CWC27: variants seen among roughly 807,000 people sequenced by gnomAD.
The protein encoded by CWC27 is CWC27 spliceosome associated cyclophilin, also known as spliceosome-associated protein CWC27 homolog.
In CWC27, 47 loss-of-function variants were observed where a neutral mutation model predicts 63.6. The ratio of observed to expected loss-of-function variants is 0.74; its 90% CI spans 0.58 to 0.94. The LOEUF is 0.94. Among genes scored for constraint, CWC27 ranks in the 40% least tolerant of loss-of-function variants. The probability of loss-of-function intolerance (pLI) is 0.00; values close to 1 mark genes in which losing one functional copy is unlikely to be tolerated. For missense variants in CWC27, 495 were observed against 554.3 expected (o/e 0.89, Z 1.07); for synonymous variants, 175 against 179.8 (o/e 0.97, Z 0.22).
chr5:64,971,109 A>C (rs1749117731), intron 11 of CWC27, among the ~76,000 whole-genome samples: 1 of 152,174 alleles, frequency 6.6e-6, no homozygotes. Flanking sequence ...TTTATGAACC[A>C]AGATGTTAAC....
intron 11 of CWC27, among the ~76,000 whole-genome samples, chr5:64,916,322 G>A (rs1747886594): frequency 6.6e-6 from 1 of 152,142 alleles, no homozygotes; most frequent in Non-Finnish European, 1.5e-5. Context: ...ATGGTCAAGA[G>A]TACAGCCTTT....
rs145963414 is a variant in CWC27 at position 64,784,986 on chromosome 5, G to A, written c.397-495G>A. Among the ~76,000 whole-genome samples the A allele has an allele frequency of 1.8e-3, 280 of 152,294 alleles. 1 individual carries two copies. Among genetic ancestry groups the A allele is most frequent in the African/African-American group, 5.1e-3 (210 of 41,560 alleles). On this transcript the variant is annotated intron_variant, in intron 4 of 13. Coordinates refer to ENST00000381070, the MANE Select transcript of CWC27 (RefSeq NM_005869.4). ...CACATCAGAGACAATGTGTAGCATAGTTAGAAGTTAGAAAGGCCATCACTG... is the reference window on the plus strand; with the variant it reads ...CACATCAGAGACAATGTGTAGCATAATTAGAAGTTAGAAAGGCCATCACTG...
intron 11 of CWC27, among the ~76,000 whole-genome samples, chr5:64,966,617 C>T (rs143707748): frequency 1.2e-4 from 19 of 152,222 alleles, no homozygotes; most frequent in South Asian, 2.1e-4. Context: ...AGATCAGTCT[C>T]ACCCAAAGTC....
At chr5:64,871,899 A>G (rs558516999) in intron 10 of CWC27, among the ~76,000 whole-genome samples, 60 of 152,268 alleles carry the variant, frequency 3.9e-4, no homozygotes, top group African/African-American at 1.3e-3. Flanking sequence ...GTCTTGAAAA[A>G]GCAAGCAAAA....
Position 64,905,150 on chromosome 5 carries a change from G to A in CWC27, c.1042+19604G>A, listed in dbSNP as rs1047527139. Among the ~76,000 whole-genome samples the A allele has an allele frequency of 3.6e-5, 5 of 138,776 alleles. No homozygotes were observed. In the South Asian group the frequency reaches 9.2e-4, roughly 26 times the overall value. 91.0% of individuals were successfully genotyped at this position (138,776 alleles called of 152,430 possible). A position where few individuals can be genotyped will look rare whatever the true frequency, so the allele number is the denominator to read the frequency against. ...TGTGATGCAGAGGTTGCAGTGAGCC[G>A]AGATTGCACCACTGCACTCCAGCCT... is the stretch of plus-strand genomic sequence containing the variant. On this transcript the variant is annotated intron_variant, in intron 11 of 13. Coordinates refer to ENST00000381070, the MANE Select transcript of CWC27 (RefSeq NM_005869.4).
chr5:64,873,260 T>A (rs1746720672), intron 10 of CWC27, among the ~76,000 whole-genome samples: 1 of 152,176 alleles, frequency 6.6e-6, no homozygotes, highest in African/African-American at 2.4e-5. Flanking sequence ...GTCAGTCAAT[T>A]AAAGGAAGTC....
intron 11 of CWC27, among the ~76,000 whole-genome samples, chr5:64,940,487 T>C (rs1052573172): frequency 6.6e-6 from 1 of 152,152 alleles, no homozygotes; most frequent in African/African-American, 2.4e-5. Context: ...TTACCTCAGT[T>C]GGAAATGCAG....
At position 64,897,500 on chromosome 5, in the gene CWC27, C is replaced by A. The variant is rs550889560; in HGVS notation, c.1042+11954C>A. Among the ~76,000 whole-genome samples, 7 of 152,274 alleles carry A rather than the reference C, an allele frequency of 4.6e-5. No homozygotes were observed. In the South Asian group the frequency reaches 1.5e-3, roughly 32 times the overall value. ...TGTCACAAGGACAGAAAACCAAACA[C>A]CGCATGTTCTCACTCATAGGTGGGA... On this transcript the variant is annotated intron_variant, in intron 11 of 13. Coordinates refer to ENST00000381070, the MANE Select transcript of CWC27 (RefSeq NM_005869.4).
At chr5:64,916,230 A>G (rs1431048403) in intron 11 of CWC27, among the ~76,000 whole-genome samples, 2 of 152,246 alleles carry the variant, frequency 1.3e-5, no homozygotes, top group African/African-American at 4.8e-5. Flanking sequence ...AATCCAAGAT[A>G]TAAAATCAAG....
rs1035712621 is a variant in CWC27, at chr5:64,800,970, GT to G, written c.750-325del. On this transcript the variant is annotated intron_variant, in intron 8 of 13. Transcript: ENST00000381070. ...ACCCTTCTATTTGAAGGATTTGGGG[GT>G]TTTTTTAGTCAGAATATTTCAAGCC... Among the ~76,000 whole-genome samples the G allele has an allele frequency of 2.0e-5, 3 of 151,940 alleles. No homozygotes were observed. In the South Asian group the frequency reaches 6.2e-4, roughly 32 times the overall value.
intron 10 of CWC27, among the ~76,000 whole-genome samples, chr5:64,812,052 A>G (rs907159053): frequency 3.4e-4 from 52 of 151,942 alleles, no homozygotes; most frequent in Non-Finnish European, 5.4e-4. Context: ...ATAATTTTTG[A>G]CTCTTACTGT....
At chr5:64,851,836 T>C (rs535202072) in intron 10 of CWC27, among the ~76,000 whole-genome samples, 1 of 152,344 alleles carries the variant, frequency 6.6e-6, no homozygotes, top group South Asian at 2.1e-4. Flanking sequence ...CAAGGAAGTA[T>C]GCAGAATGCT....
intron 10 of CWC27, among the ~76,000 whole-genome samples, chr5:64,868,347 G>A (rs540265142): frequency 2.2e-4 from 34 of 152,080 alleles, no homozygotes; most frequent in South Asian, 1.7e-3. Flanking sequence ...TTTCCTAGTC[G>A]CCTCTTAAGT....
chr5:64,990,328 G>A (rs1290774604), intron 13 of CWC27, among the ~76,000 whole-genome samples: 1 of 46,338 alleles, frequency 2.2e-5, no homozygotes, highest in Non-Finnish European at 4.9e-5. Context: ...GCAGTGGCGG[G>A]ATCTCGGCTC....
At chr5:64,801,367 C>T (rs1017602891) in intron 9 of CWC27, 35 bp downstream of exon 9, 13 of 1,274,336 alleles carry the variant, frequency 1.0e-5, no homozygotes, top group South Asian at 1.8e-5. Context: ...ATAGTTTGAA[C>T]AATTCATAGA....
chr5:64,775,799 G>T (rs1420734096), intron 2 of CWC27, among the ~76,000 whole-genome samples: 1 of 151,900 alleles, frequency 6.6e-6, no homozygotes, highest in Non-Finnish European at 1.5e-5. Flanking sequence ...CTTTTTGTTG[G>T]CTTCTAGAAT....
At chr5:64,972,724 A>G in intron 12 of CWC27, 1 of 449,264 alleles carries the variant, frequency 2.2e-6, no homozygotes, top group Non-Finnish European at 4.5e-6. Context: ...CTATACTACC[A>G]GAGATACTAA....
At chr5:64,801,383 C>A in intron 9 of CWC27, 51 bp downstream of exon 9, 4 of 1,219,618 alleles carry the variant, frequency 3.3e-6, no homozygotes, top group East Asian at 3.3e-5. Flanking sequence ...ATAGAAAGTA[C>A]AAAATTTTTA....
chr5:64,947,217 G>A (rs563264409), intron 11 of CWC27, among the ~76,000 whole-genome samples: 94 of 152,216 alleles, frequency 6.2e-4, no homozygotes, highest in African/African-American at 2.0e-3. Context: ...GTTGGCACCA[G>A]TTCAAGTTCT....
Sources: allele counts gnomAD v4.1 joint callset (sites outside exome capture counted in the v4.1 genomes callset), GRCh38; gene constraint gnomAD v4.1.1; transcripts MANE v1.5; gene names NCBI Gene and HGNC (gene_info 2026-07-23, HGNC 2026-07-21).